Variants in CNTN5 observed in about 807,000 individuals in gnomAD.
CNTN5 encodes the protein contactin-5.
In CNTN5, 77 loss-of-function variants were observed where a neutral mutation model predicts 129.1. That is an observed-to-expected ratio of 0.60 (90% CI 0.50 to 0.72). CNTN5 has a LOEUF of 0.72. CNTN5 is among the 30% of genes least tolerant of loss of function. The pLI is 0.00. For missense variants in CNTN5, 1,478 were observed against 1,328.8 expected (o/e 1.11, Z -1.75); for synonymous variants, 509 against 465.6 (o/e 1.09, Z -1.20).
intron 3 of CNTN5, among the ~76,000 whole-genome samples, chr11:99,680,756 G>A (rs1218440966): frequency 1.3e-5 from 2 of 151,820 alleles, no homozygotes; most frequent in Non-Finnish European, 2.9e-5. Context: ...AAGAATCACC[G>A]GCTGTAGCTG....
chr11:99,901,221 G>A (rs1949348198), intron 6 of CNTN5, among the ~76,000 whole-genome samples: 1 of 152,078 alleles, frequency 6.6e-6, no homozygotes, highest in Non-Finnish European at 1.5e-5. Context: ...CTTTTTAAAT[G>A]TTTTGGGTGA....
intron 1 of CNTN5, among the ~76,000 whole-genome samples, chr11:99,209,395 G>T (rs2135663446): frequency 6.6e-6 from 1 of 152,246 alleles, no homozygotes; most frequent in East Asian, 1.9e-4. Flanking sequence ...AGGCAAAGGG[G>T]GAGTAGCTTG....
chr11:99,052,200 CAT>C (rs761186027), intron 1 of CNTN5, among the ~76,000 whole-genome samples: 6 of 151,722 alleles, frequency 4.0e-5, no homozygotes, highest in South Asian at 2.1e-4. Context: ...GTATATGTAA[CAT>C]ATGTTTACAT....
intron 15 of CNTN5, among the ~76,000 whole-genome samples, chr11:100,196,237 A>T (rs1360220085): frequency 2.0e-5 from 3 of 152,002 alleles, no homozygotes; most frequent in Admixed American, 6.6e-5. Context: ...GGGTGAGTGA[A>T]TGAGGGTGAA....
At chr11:100,318,077 TAAA>T (rs1348446977) in intron 21 of CNTN5, among the ~76,000 whole-genome samples, 2 of 151,954 alleles carry the variant, frequency 1.3e-5, no homozygotes, top group East Asian at 3.9e-4. Flanking sequence ...CCGTCTCTAC[TAAA>T]AATACAAAAA....
At chr11:100,008,273 A>C (rs779789430) in intron 9 of CNTN5, among the ~76,000 whole-genome samples, 3 of 152,252 alleles carry the variant, frequency 2.0e-5, no homozygotes, top group South Asian at 2.1e-4. Flanking sequence ...TTTGCTTGAC[A>C]TAGCATTGCC....
chr11:100,042,486 G>A (rs1218353540), intron 9 of CNTN5, among the ~76,000 whole-genome samples: 1 of 152,112 alleles, frequency 6.6e-6, no homozygotes, highest in African/African-American at 2.4e-5. Context: ...AGCTCCATTA[G>A]ACAGACCTAC....
intron 3 of CNTN5, among the ~76,000 whole-genome samples, chr11:99,636,439 T>C (rs961655687): frequency 1.3e-5 from 2 of 152,148 alleles, no homozygotes; most frequent in South Asian, 2.1e-4. Context: ...TTTCCACCCT[T>C]TTCTGTTCTG....
chr11:99,886,101 A>G (rs1948894894), intron 6 of CNTN5, among the ~76,000 whole-genome samples: 1 of 152,134 alleles, frequency 6.6e-6, no homozygotes, highest in South Asian at 2.1e-4. Flanking sequence ...AATTAAATGT[A>G]AAAGTCAAAA....
At chr11:99,994,007 A>G (rs1939290413) in intron 8 of CNTN5, among the ~76,000 whole-genome samples, 1 of 152,104 alleles carries the variant, frequency 6.6e-6, no homozygotes, top group Non-Finnish European at 1.5e-5. Context: ...TATAGTTCAG[A>G]TATTAGCAAC....
At chr11:99,672,175 C>A (rs540680977) in intron 3 of CNTN5, among the ~76,000 whole-genome samples, 1 of 152,130 alleles carries the variant, frequency 6.6e-6, no homozygotes, top group Non-Finnish European at 1.5e-5. Flanking sequence ...CTACTCTGCC[C>A]CATCAAAACT....
chr11:99,851,894 T>A (rs2135727395), intron 6 of CNTN5, among the ~76,000 whole-genome samples: 1 of 152,330 alleles, frequency 6.6e-6, no homozygotes, highest in South Asian at 2.1e-4. Context: ...TAAGGTAAAA[T>A]TGACCTTAGA....
At chr11:99,571,592 G>T (rs1326915243) in intron 3 of CNTN5, among the ~76,000 whole-genome samples, 1 of 152,078 alleles carries the variant, frequency 6.6e-6, no homozygotes, top group Non-Finnish European at 1.5e-5. Context: ...CAAAACTCAG[G>T]AAGCACATCT....
At chr11:100,136,380 A>C (rs1946525190) in intron 13 of CNTN5, among the ~76,000 whole-genome samples, 1 of 152,158 alleles carries the variant, frequency 6.6e-6, no homozygotes, top group Non-Finnish European at 1.5e-5. Flanking sequence ...AGAGCCTGCC[A>C]GAAATCTGAT....
At chr11:100,001,344 C>T (rs1939863665) in intron 8 of CNTN5, among the ~76,000 whole-genome samples, 2 of 152,156 alleles carry the variant, frequency 1.3e-5, no homozygotes, top group South Asian at 2.1e-4. Flanking sequence ...GGGAATCTAC[C>T]TCCATGATCC....
chr11:99,023,621 A>G (rs1309800311), intron 1 of CNTN5, among the ~76,000 whole-genome samples: 1 of 152,202 alleles, frequency 6.6e-6, no homozygotes, highest in Non-Finnish European at 1.5e-5. Context: ...TGGCTAAAAC[A>G]AAGTTGTAGC....
chr11:99,527,475 A>G (rs1049349639), intron 2 of CNTN5, among the ~76,000 whole-genome samples: 7 of 152,340 alleles, frequency 4.6e-5, no homozygotes, highest in African/African-American at 1.7e-4. Flanking sequence ...GGTTAGATTT[A>G]ACAAAATTAA....
At chr11:99,546,440 G>A (rs1044731656) in intron 2 of CNTN5, among the ~76,000 whole-genome samples, 1 of 152,064 alleles carries the variant, frequency 6.6e-6, no homozygotes, top group African/African-American at 2.4e-5. Flanking sequence ...TATATCAACT[G>A]AAGAATCACA....
intron 13 of CNTN5, among the ~76,000 whole-genome samples, chr11:100,093,269 T>C (rs1944866589): frequency 6.6e-6 from 1 of 152,026 alleles, no homozygotes; most frequent in African/African-American, 2.4e-5. Context: ...TTCTGAAAAA[T>C]GCACTTTTTT....
Sources: gnomAD v4.1 joint callset for allele counts (sites outside exome capture counted in the v4.1 genomes callset) on GRCh38, gnomAD v4.1.1 for gene constraint, MANE v1.5 for transcripts, NCBI Gene and HGNC (gene_info 2026-07-23, HGNC 2026-07-21) for gene names.